The following IL1RAPL1 variants were observed in gnomAD, a reference collection of about 807,000 sequenced individuals.
The protein encoded by IL1RAPL1 is interleukin-1 receptor accessory protein-like 1.
IL1RAPL1 carries 3 observed loss-of-function variants against 48.4 expected under a neutral mutation model. That is an observed-to-expected ratio of 0.06 (90% CI 0.03 to 0.16). The LOEUF is 0.16. IL1RAPL1 is among the 10% of genes least tolerant of loss of function. The pLI, the probability that IL1RAPL1 is intolerant of heterozygous loss-of-function variation, is 1.00. For synonymous variants in IL1RAPL1, 185 were observed against 187.7 expected (o/e 0.99, Z 0.12); for missense variants, 349 against 530.6 (o/e 0.66, Z 3.36).
At chrX:28,724,042 A>G (rs764406876) in intron 1 of IL1RAPL1, among the ~76,000 whole-genome samples, 10 of 111,742 alleles carry the variant, frequency 8.9e-5, no homozygotes, top group Non-Finnish European at 1.9e-5. Flanking sequence ...AATAAGTGTG[A>G]TGTGGTGCTG....
At chrX:28,697,771 G>C (rs1380921756) in intron 1 of IL1RAPL1, among the ~76,000 whole-genome samples, 3 of 111,128 alleles carry the variant, frequency 2.7e-5, no homozygotes, top group Non-Finnish European at 5.7e-5. Context: ...AGAAGCATAG[G>C]GGTGGGGGAA....
chrX:29,219,202 C>A (rs1930929886), intron 2 of IL1RAPL1, among the ~76,000 whole-genome samples: 1 of 111,678 alleles, frequency 9.0e-6, no homozygotes, highest in Admixed American at 9.5e-5. Flanking sequence ...AGAAGTCTGC[C>A]AAGTAGTTAT....
At chrX:28,938,471 CCAG>C (rs2147347451) in intron 2 of IL1RAPL1, among the ~76,000 whole-genome samples, 1 of 54,692 alleles carries the variant, frequency 1.8e-5, no homozygotes, top group East Asian at 1.2e-3. Flanking sequence ...CTAGCCACAT[CCAG>C]AAGATTGAAA....
intron 6 of IL1RAPL1, among the ~76,000 whole-genome samples, chrX:29,883,901 C>G (rs1467885388): frequency 2.7e-5 from 3 of 112,018 alleles, no homozygotes; most frequent in Non-Finnish European, 5.6e-5. Context: ...ATTGTGAACT[C>G]AATCGCATTG....
chrX:29,394,871 A>G (rs932080654), intron 3 of IL1RAPL1, among the ~76,000 whole-genome samples: 1 of 112,134 alleles, frequency 8.9e-6, no homozygotes, highest in African/African-American at 3.2e-5. Context: ...TCAATAAAGA[A>G]CCATCTAATT....
intron 1 of IL1RAPL1, among the ~76,000 whole-genome samples, chrX:28,694,293 GA>G (rs1935207761): frequency 8.9e-6 from 1 of 111,866 alleles, no homozygotes; most frequent in African/African-American, 3.2e-5. Context: ...TAAACCTGGG[GA>G]GCTTTGGTCA....
At chrX:28,879,374 T>C (rs1345070291) in intron 2 of IL1RAPL1, among the ~76,000 whole-genome samples, 1 of 111,428 alleles carries the variant, frequency 9.0e-6, no homozygotes, top group Non-Finnish European at 1.9e-5. Flanking sequence ...CATGTTTTAT[T>C]CAAGGATTTA....
At chrX:29,499,252 A>C (rs1007956966) in intron 5 of IL1RAPL1, among the ~76,000 whole-genome samples, 11 of 112,120 alleles carry the variant, frequency 9.8e-5, no homozygotes, top group African/African-American at 3.6e-4. Context: ...CAAGAAATGG[A>C]TATTTATATA....
intron 3 of IL1RAPL1, among the ~76,000 whole-genome samples, chrX:29,387,125 G>C (rs2147679070): frequency 8.9e-6 from 1 of 111,788 alleles, no homozygotes; most frequent in African/African-American, 3.2e-5. Flanking sequence ...AAGTGGTGAA[G>C]AAAGTCAAGT....
chrX:29,039,690 TAAG>T (rs1302470565), intron 2 of IL1RAPL1, among the ~76,000 whole-genome samples: 1 of 105,691 alleles, frequency 9.5e-6, no homozygotes, highest in Non-Finnish European at 1.9e-5. Flanking sequence ...CAATCCAACT[TAAG>T]GAGGATAAGC....
intron 6 of IL1RAPL1, among the ~76,000 whole-genome samples, chrX:29,772,948 A>G (rs1929103202): frequency 9.1e-6 from 1 of 109,389 alleles, no homozygotes; most frequent in Non-Finnish European, 1.9e-5. Context: ...CCACCTATAT[A>G]ATGATCATTT....
chrX:29,843,561 C>T (rs1931181927), intron 6 of IL1RAPL1, among the ~76,000 whole-genome samples: 1 of 111,327 alleles, frequency 9.0e-6, no homozygotes. Flanking sequence ...TTGTGGAAGT[C>T]AGTCCAAAAT....
intron 6 of IL1RAPL1, among the ~76,000 whole-genome samples, chrX:29,704,319 G>A (rs1398846991): frequency 9.0e-6 from 1 of 111,052 alleles, no homozygotes. Flanking sequence ...GTGCTTGAGG[G>A]ATACAATATT....
At chrX:28,788,269 C>T (rs1436422014) in intron 1 of IL1RAPL1, among the ~76,000 whole-genome samples, 1 of 110,159 alleles carries the variant, frequency 9.1e-6, no homozygotes, top group Non-Finnish European at 1.9e-5. Context: ...ACATATCCAA[C>T]TTTGTGAATT....
intron 2 of IL1RAPL1, among the ~76,000 whole-genome samples, chrX:29,108,095 T>C (rs1452323667): frequency 8.9e-6 from 1 of 112,107 alleles, no homozygotes; most frequent in Non-Finnish European, 1.9e-5. Flanking sequence ...TCTGTTTTGG[T>C]TCTCACTCTC....
Position 29,346,627 on chromosome X carries a change from G to A in IL1RAPL1, c.363-49631G>A, listed in dbSNP as rs142067536. ...CCTGAGCAGAGTAGGCATCATATAC[G>A]TATTTGTGCTTGTTAAATAAAACCC... On this transcript the variant is annotated intron_variant, in intron 3 of 10. Transcript: ENST00000378993. Among the ~76,000 whole-genome samples the A allele has an allele frequency of 4.4e-3, 496 of 112,646 alleles. 3 individuals are homozygous for A. The highest frequency in any genetic ancestry group is 0.015 in the African/African-American group (472 of 31,078).
At chrX:28,804,028 AT>A (rs1936702336) in intron 2 of IL1RAPL1, among the ~76,000 whole-genome samples, 2 of 111,717 alleles carry the variant, frequency 1.8e-5, no homozygotes, top group African/African-American at 6.5e-5. Flanking sequence ...TATCCTGAAA[AT>A]TGTTTATATA....
chrX:29,275,843 A>G (rs1932110654), intron 2 of IL1RAPL1, among the ~76,000 whole-genome samples: 1 of 112,228 alleles, frequency 8.9e-6, no homozygotes, highest in Non-Finnish European at 1.9e-5. Context: ...GTCTCACACC[A>G]ATATATGACT....
chrX:29,529,464 C>T (rs1440942848), intron 5 of IL1RAPL1, among the ~76,000 whole-genome samples: 1 of 108,256 alleles, frequency 9.2e-6, no homozygotes, highest in Non-Finnish European at 1.9e-5. Flanking sequence ...TGTGGTGATG[C>T]GCGCCTGTAA....
Sources: gnomAD v4.1 joint callset for allele counts (sites outside exome capture counted in the v4.1 genomes callset) on GRCh38, gnomAD v4.1.1 for gene constraint, MANE v1.5 for transcripts, NCBI Gene and HGNC (gene_info 2026-07-23, HGNC 2026-07-21) for gene names.